Variants in ARL13B observed in about 807,000 individuals in gnomAD.
ARL13B encodes the protein ARF like GTPase 13B, also known as ADP-ribosylation factor-like protein 13B.
In ARL13B, 36 loss-of-function variants were observed where a neutral mutation model predicts 56.1. That is an observed-to-expected ratio of 0.64 (90% CI 0.49 to 0.85). The LOEUF (loss-of-function observed/expected upper bound fraction) is 0.85. ARL13B is among the 40% of genes least tolerant of loss of function. The pLI is 0.00. For missense variants in ARL13B, 519 were observed against 507.1 expected (o/e 1.02, Z -0.23); for synonymous variants, 178 against 171.1 (o/e 1.04, Z -0.32).
At chr3:94,010,720 A>C (rs940644680) in intron 3 of ARL13B, among the ~76,000 whole-genome samples, 2 of 152,096 alleles carry the variant, frequency 1.3e-5, no homozygotes, top group African/African-American at 4.8e-5. Flanking sequence ...ACGGTTTCTG[A>C]TACATTGCTT....
In ARL13B at chr3:94,043,143, A is replaced by C. The variant is rs2076892651; in HGVS notation, c.927A>C (p.Gln309His). ...ETQGQVNHNGQKNNEFGLVEN... is the reference protein window; with the variant it reads ...ETQGQVNHNGHKNNEFGLVEN... ...AAGGCCAGGTTAATCACAATGGCCA[A>C]AAAAATAATGAATTTGGACTAGTAG... Residue 309 changes from glutamine to histidine, a missense_variant, in exon 7 of 10, where the codon CAA (glutamine) becomes CAC (histidine). Transcript: ENST00000394222. 3 of 1,613,804 alleles carry C rather than the reference A, an allele frequency of 1.9e-6. No homozygotes were observed. In the East Asian group the frequency reaches 6.7e-5, roughly 36 times the overall value.
At chr3:94,014,642 A>G (rs1425634146) in intron 3 of ARL13B, 1 of 1,613,638 alleles carries the variant, frequency 6.2e-7, no homozygotes, top group South Asian at 1.1e-5. Flanking sequence ...TCAATCTCTG[A>G]AAGTTGTGCT....
intron 2 of ARL13B, chr3:93,996,803 G>A (rs955139661): frequency 2.9e-5 from 5 of 173,408 alleles, no homozygotes; most frequent in Middle Eastern, 5.7e-4. Context: ...CCCCGGGGCC[G>A]TGGACCAATA....
intron 1 of ARL13B, among the ~76,000 whole-genome samples, chr3:93,987,620 AACATACAT>A (rs1710531365): frequency 1.3e-5 from 2 of 152,066 alleles, no homozygotes; most frequent in African/African-American, 4.8e-5. Flanking sequence ...CACAATTCTT[AACATACAT>A]ACCAAAAATC....
At chr3:93,985,183 A>G (rs1024639541) in intron 1 of ARL13B, among the ~76,000 whole-genome samples, 2 of 152,160 alleles carry the variant, frequency 1.3e-5, no homozygotes, top group African/African-American at 4.8e-5. Context: ...CTGTTAATCT[A>G]TTGCAATCTA....
In ARL13B at chr3:94,054,917, T is replaced by G. The variant is rs886058935; in HGVS notation, c.*1654T>G. On this transcript the variant is annotated 3_prime_UTR_variant, in exon 10 of 10. Transcript: ENST00000394222. ...TTTAGAGGGAAAATTGCATAGCTTTTTGTAACATTTACTTAATTTTAAAAC... is the reference window on the plus strand; with the variant it reads ...TTTAGAGGGAAAATTGCATAGCTTTGTGTAACATTTACTTAATTTTAAAAC... The G allele has an allele frequency of 3.7e-6, 1 of 272,266 alleles. No homozygotes were observed. The highest frequency in any genetic ancestry group is 4.9e-5 in the Admixed American group (1 of 20,350). 16.9% of individuals were successfully genotyped at this position (272,266 alleles called of 1,614,324 possible).
At chr3:94,036,282 A>AT (rs1478883491) in intron 4 of ARL13B, among the ~76,000 whole-genome samples, 4 of 151,956 alleles carry the variant, frequency 2.6e-5, no homozygotes, top group Admixed American at 2.6e-4. Context: ...TGGTAGTTAA[A>AT]TTTTTTCTTC....
At chr3:94,028,684 C>T (rs569602952) in intron 3 of ARL13B, 6 of 152,278 alleles carry the variant, frequency 3.9e-5, no homozygotes, top group East Asian at 1.9e-4. Flanking sequence ...TGGAGCTAGT[C>T]GGTAACAGGA....
chr3:94,045,968 G>GA (rs369419536), intron 7 of ARL13B, among the ~76,000 whole-genome samples: 4 of 124,916 alleles, frequency 3.2e-5, no homozygotes, highest in Admixed American at 1.7e-4. Context: ...AAAAAAAAAA[G>GA]AAAAAAAAAA....
intron 4 of ARL13B, 31 bp from the exon 5 acceptor site, chr3:94,036,521 A>C (rs753973248): frequency 1.2e-6 from 2 of 1,606,366 alleles, no homozygotes; most frequent in African/African-American, 2.7e-5. Context: ...GAGACCTTTT[A>C]ATCTTTTAGT....
Position 94,043,221 on chromosome 3 carries a change from C to G in ARL13B, c.1005C>G (p.Asp335Glu). ...TQQLKNEDETDRPSLESANGK... is the reference protein window; with the variant it reads ...TQQLKNEDETERPSLESANGK... ...AGTTAAAGAATGAAGATGAGACAGA[C>G]CGGCCATCATTGGAATCAGGTAATA... Residue 335 changes from aspartate (D) to glutamate (E), a missense_variant, in exon 7 of 10, where the codon GAC (aspartate) becomes GAG (glutamate). By Grantham distance (45) the Asp-to-Glu change is conservative. Transcript: ENST00000394222. 1 of 1,612,902 alleles carries G rather than the reference C, an allele frequency of 6.2e-7. No individual in the cohort carries two copies. The highest frequency in any genetic ancestry group is 8.5e-7 in the Non-Finnish European group (1 of 1,179,586).
chr3:94,000,781 C>CTTTCTAGAGATGATTCCAAAA (rs1261704902), intron 2 of ARL13B, among the ~76,000 whole-genome samples: 1 of 152,032 alleles, frequency 6.6e-6, no homozygotes, highest in African/African-American at 2.4e-5. Context: ...TGTATATTTG[C>CTTTCTAGAGATGATTCCAAAA]ATTTTATCTT....
At chr3:93,998,431 C>G (rs542994048) in intron 2 of ARL13B, among the ~76,000 whole-genome samples, 11 of 152,152 alleles carry the variant, frequency 7.2e-5, no homozygotes, top group Non-Finnish European at 1.3e-4. Context: ...GAGCCCCACT[C>G]CCCATTCTCT....
At chr3:94,038,942 T>C (rs1363430008) in intron 5 of ARL13B, among the ~76,000 whole-genome samples, 2 of 152,216 alleles carry the variant, frequency 1.3e-5, no homozygotes, top group African/African-American at 2.4e-5. Flanking sequence ...ATGATACATA[T>C]GGTAACTTAT....
At chr3:94,018,861 G>A (rs748174408) in intron 3 of ARL13B, among the ~76,000 whole-genome samples, 2 of 152,144 alleles carry the variant, frequency 1.3e-5, no homozygotes, top group Non-Finnish European at 2.9e-5. Flanking sequence ...CGCCGTCCGG[G>A]TTCAAGCAAT....
At chr3:93,999,252 G>T (rs1359430757) in intron 2 of ARL13B, among the ~76,000 whole-genome samples, 1 of 151,540 alleles carries the variant, frequency 6.6e-6, no homozygotes, top group East Asian at 1.9e-4. Context: ...TATTTTTTTG[G>T]TTTTTTAGAG....
intron 3 of ARL13B, among the ~76,000 whole-genome samples, chr3:94,008,424 T>G (rs186788140): frequency 6.6e-5 from 10 of 152,250 alleles, no homozygotes; most frequent in African/African-American, 2.4e-4. Context: ...AGAGAAAAAG[T>G]AAACAGGTTT....
In ARL13B at chr3:94,049,498, A is replaced by T. The variant is rs747940414; in HGVS notation, c.1117A>T (p.Thr373Ser). 2.5e-6 allele frequency: 4 copies of T among 1,609,732 alleles called. No homozygotes were observed. In the African/African-American group the frequency reaches 5.4e-5, roughly 22 times the overall value. ...NIDDCAPESPTPPPPPPPVGW... is the reference protein window; with the variant it reads ...NIDDCAPESPSPPPPPPPVGW... ...AGATGACTGTGCTCCTGAGAGTCCAACGCCACCCCCACCCCCTCCTCCTGG... is the reference window on the plus strand; with the variant it reads ...AGATGACTGTGCTCCTGAGAGTCCATCGCCACCCCCACCCCCTCCTCCTGG... Residue 373 changes from threonine to serine, a missense_variant, in exon 8 of 10, where the codon ACG becomes TCG. Physicochemically the swap from Thr to Ser is moderately conservative, Grantham distance 58 (BLOSUM62 1). Coordinates refer to ENST00000394222, the MANE Select transcript of ARL13B (RefSeq NM_001174150.2).
At chr3:94,030,482 T>C (rs1306263048) in intron 3 of ARL13B, among the ~76,000 whole-genome samples, 3 of 151,608 alleles carry the variant, frequency 2.0e-5, no homozygotes, top group South Asian at 2.1e-4. Flanking sequence ...TCCACCCACA[T>C]TGGCCTCCCA....
Sources: gnomAD v4.1 joint callset for allele counts (sites outside exome capture counted in the v4.1 genomes callset) on GRCh38, gnomAD v4.1.1 for gene constraint, MANE v1.5 for transcripts, NCBI Gene and HGNC (gene_info 2026-07-23, HGNC 2026-07-21) for gene names.